The following SLC16A2 variants were observed in gnomAD, a reference collection of about 807,000 sequenced individuals.
The protein encoded by SLC16A2 is monocarboxylate transporter 8.
In SLC16A2, 3 loss-of-function variants were observed where a neutral mutation model predicts 27.2. The ratio of observed to expected loss-of-function variants is 0.11; its 90% confidence interval spans 0.05 to 0.28. The LOEUF (loss-of-function observed/expected upper bound fraction) is 0.28. SLC16A2 is among the 10% of genes least tolerant of loss of function. The pLI is 1.00. For synonymous variants in SLC16A2, 202 were observed against 187.8 expected (o/e 1.08, Z -0.62); for missense variants, 295 against 458.5 (o/e 0.64, Z 3.26).
chrX:74,501,158 G>T (rs1418611381), intron 1 of SLC16A2, among the ~76,000 whole-genome samples: 1 of 110,784 alleles, frequency 9.0e-6, no homozygotes, highest in Non-Finnish European at 1.9e-5. Context: ...GATTAAGTTT[G>T]AAAGGTTTTA....
chrX:74,440,379 T>TA (rs1323365416), intron 1 of SLC16A2, among the ~76,000 whole-genome samples: 3 of 111,135 alleles, frequency 2.7e-5, no homozygotes, highest in Admixed American at 1.9e-4. Flanking sequence ...AAGATGTCTT[T>TA]AAAAAAGGTG....
chrX:74,471,190 G>C (rs764302313), intron 1 of SLC16A2, among the ~76,000 whole-genome samples: 1 of 111,659 alleles, frequency 9.0e-6, no homozygotes, highest in African/African-American at 3.3e-5. Flanking sequence ...ATTGAAATTT[G>C]CTTTTATATT....
chrX:74,464,142 C>A (rs1929206810), intron 1 of SLC16A2, among the ~76,000 whole-genome samples: 1 of 112,181 alleles, frequency 8.9e-6, no homozygotes, highest in African/African-American at 3.2e-5. Context: ...AATAGTATTA[C>A]ATTGTGTTGA....
At chrX:74,510,355 A>G (rs1035768829) in intron 1 of SLC16A2, among the ~76,000 whole-genome samples, 3 of 111,128 alleles carry the variant, frequency 2.7e-5, no homozygotes, top group Admixed American at 1.9e-4. Flanking sequence ...TTCAAGTCAT[A>G]GTTTCTCCCA....
intron 1 of SLC16A2, among the ~76,000 whole-genome samples, chrX:74,453,533 AT>A (rs1383432496): frequency 2.7e-5 from 3 of 110,415 alleles, no homozygotes; most frequent in East Asian, 2.8e-4. Flanking sequence ...GGTCATATTT[AT>A]TTTTTTTCAG....
intron 1 of SLC16A2, among the ~76,000 whole-genome samples, chrX:74,495,793 C>T (rs1929922855): frequency 9.0e-6 from 1 of 111,316 alleles, no homozygotes; most frequent in Admixed American, 9.5e-5. Context: ...TGTCTCTGAG[C>T]CTTGTTTCCT....
At chrX:74,463,699 T>G (rs1263616972) in intron 1 of SLC16A2, among the ~76,000 whole-genome samples, 1 of 111,127 alleles carries the variant, frequency 9.0e-6, no homozygotes, top group Non-Finnish European at 1.9e-5. Flanking sequence ...GCTAATTTTT[T>G]TGTATTTTTA....
chrX:74,437,919 T>C (rs1232579876), intron 1 of SLC16A2, among the ~76,000 whole-genome samples: 1 of 112,149 alleles, frequency 8.9e-6, no homozygotes, highest in Non-Finnish European at 1.9e-5. Flanking sequence ...CTGTGTCCCA[T>C]GAGTGGATCT....
intron 1 of SLC16A2, among the ~76,000 whole-genome samples, chrX:74,490,334 C>G (rs759881634): frequency 6.4e-5 from 7 of 108,549 alleles, no homozygotes; most frequent in Non-Finnish European, 1.3e-4. Context: ...CTTGTTTTCT[C>G]CTCATTCTTA....
chrX:74,482,772 G>A (rs1929646253), intron 1 of SLC16A2, among the ~76,000 whole-genome samples: 2 of 110,145 alleles, frequency 1.8e-5, no homozygotes, highest in African/African-American at 6.6e-5. Context: ...GTCTTGGCTT[G>A]CTGCAGCCTT....
rs1163176725 is a variant in SLC16A2, at chrX:74,457,682, C to T, written c.430+35615C>T. On this transcript the variant is annotated intron_variant, in intron 1 of 5. Coordinates refer to ENST00000587091, the MANE Select transcript of SLC16A2 (RefSeq NM_006517.5). ...GCTTCTGACTTTTTGGGGAGACACA[C>T]ACACACAAGGAATGTCTCTTCTTTG... is the stretch of plus-strand genomic sequence containing the variant. 2.7e-5 allele frequency among the ~76,000 whole-genome samples: 3 copies of T among 111,619 alleles called. No homozygotes were observed. In the Admixed American group the frequency reaches 2.9e-4, roughly 11 times the overall value.
Position 74,493,554 on chromosome X carries a change from C to T in SLC16A2, c.431-27436C>T, listed in dbSNP as rs547561652. ...ACAGCAAGAACACACTTCTCCACCA[C>T]CTAAGAAGAACCCTGCCCTCTTGCC... On this transcript the variant is annotated intron_variant, in intron 1 of 5. Coordinates refer to ENST00000587091, the MANE Select transcript of SLC16A2 (RefSeq NM_006517.5). 1.5e-4 allele frequency among the ~76,000 whole-genome samples: 17 copies of T among 112,295 alleles called. No homozygotes were observed. The South Asian group carries it at 6.0e-3, about 39-fold the overall frequency.
chrX:74,513,487 A>G (rs1414492534), intron 1 of SLC16A2, among the ~76,000 whole-genome samples: 1 of 112,302 alleles, frequency 8.9e-6, no homozygotes, highest in Non-Finnish European at 1.9e-5. Flanking sequence ...AAGAAAGGTA[A>G]AGGATAACCA....
At chrX:74,459,984 A>G (rs746170184) in intron 1 of SLC16A2, among the ~76,000 whole-genome samples, 1 of 111,774 alleles carries the variant, frequency 8.9e-6, no homozygotes, top group East Asian at 2.8e-4. Flanking sequence ...TCTGACTTCA[A>G]TGCATCAAGC....
chrX:74,488,959 A>G (rs1183002100), intron 1 of SLC16A2, among the ~76,000 whole-genome samples: 1 of 112,042 alleles, frequency 8.9e-6, no homozygotes, highest in Non-Finnish European at 1.9e-5. Flanking sequence ...TAGTTTTAAA[A>G]TTGGAAATTA....
intron 1 of SLC16A2, among the ~76,000 whole-genome samples, chrX:74,498,715 G>T (rs1197890647): frequency 2.7e-5 from 3 of 111,967 alleles, no homozygotes; most frequent in Non-Finnish European, 5.6e-5. Context: ...CTAAGGAAAT[G>T]CTTTATTTTA....
intron 1 of SLC16A2, among the ~76,000 whole-genome samples, chrX:74,486,188 C>T (rs1043822930): frequency 8.9e-6 from 1 of 111,831 alleles, no homozygotes; most frequent in Non-Finnish European, 1.9e-5. Context: ...GTGTGAACTG[C>T]GTTCCAAGCC....
At chrX:74,511,163 C>T (rs962876506) in intron 1 of SLC16A2, among the ~76,000 whole-genome samples, 1 of 110,960 alleles carries the variant, frequency 9.0e-6, no homozygotes, top group Non-Finnish European at 1.9e-5. Context: ...AAATGAGATT[C>T]GTGGTTTTTT....
At chrX:74,504,819 C>T (rs1930095857) in intron 1 of SLC16A2, among the ~76,000 whole-genome samples, 1 of 111,522 alleles carries the variant, frequency 9.0e-6, no homozygotes, top group African/African-American at 3.3e-5. Flanking sequence ...GGCAGAAACC[C>T]CAACTCTACA....
Sources: allele counts gnomAD v4.1 joint callset (sites outside exome capture counted in the v4.1 genomes callset), GRCh38; gene constraint gnomAD v4.1.1; transcripts MANE v1.5; gene names NCBI Gene and HGNC (gene_info 2026-07-23, HGNC 2026-07-21).